RBFOX1: variants seen among roughly 807,000 people sequenced by gnomAD.
RBFOX1 encodes the protein RNA binding protein fox-1 homolog 1.
In RBFOX1, 8 loss-of-function variants were observed where a neutral mutation model predicts 57.7. That is an observed-to-expected ratio of 0.14 (90% CI 0.08 to 0.25). The LOEUF (loss-of-function observed/expected upper bound fraction) is 0.25. RBFOX1 is among the 10% of genes least tolerant of loss of function. The pLI, the probability that RBFOX1 is intolerant of heterozygous loss-of-function variation, is 1.00. For missense variants in RBFOX1, 611 were observed against 548.5 expected (o/e 1.11, Z -1.14); for synonymous variants, 326 against 222.4 (o/e 1.47, Z -4.15).
intron 3 of RBFOX1, among the ~76,000 whole-genome samples, chr16:6,919,353 A>G (rs1488275062): frequency 6.6e-6 from 1 of 152,168 alleles, no homozygotes; most frequent in Non-Finnish European, 1.5e-5. Context: ...TCTCCAAATT[A>G]ATTCCTCACA....
chr16:5,528,789 A>G (rs1283180518), intron 2 of RBFOX1, among the ~76,000 whole-genome samples: 1 of 151,856 alleles, frequency 6.6e-6, no homozygotes, highest in African/African-American at 2.4e-5. Context: ...AGCTGGGACT[A>G]TAGGTCTGCA....
intron 2 of RBFOX1, among the ~76,000 whole-genome samples, chr16:5,575,391 C>G (rs940393822): frequency 3.3e-5 from 5 of 152,168 alleles, no homozygotes; most frequent in African/African-American, 1.2e-4. Flanking sequence ...TGCGTGTCCT[C>G]TGTCTTAGGT....
At chr16:5,410,642 C>T (rs1362545231) in intron 1 of RBFOX1, among the ~76,000 whole-genome samples, 1 of 152,168 alleles carries the variant, frequency 6.6e-6, no homozygotes. Flanking sequence ...CAGTCTTATC[C>T]CCACTGCTTC....
intron 1 of RBFOX1, among the ~76,000 whole-genome samples, chr16:6,274,079 A>G (rs1342518454): frequency 2.0e-5 from 3 of 152,232 alleles, no homozygotes; most frequent in Admixed American, 6.5e-5. Flanking sequence ...TTCGGATTAC[A>G]TACACATCGC....
intron 3 of RBFOX1, among the ~76,000 whole-genome samples, chr16:6,687,653 G>C (rs966830810): frequency 1.1e-4 from 16 of 152,126 alleles, no homozygotes; most frequent in Non-Finnish European, 1.8e-4. Context: ...CAGGATTCAG[G>C]CTGCTCCTGT....
chr16:7,195,954 A>G lies in RBFOX1; in HGVS notation c.27+143856A>G, dbSNP rs372691816. Among the ~76,000 whole-genome samples the G allele has an allele frequency of 1.6e-4, 24 of 152,134 alleles. No individual in the cohort carries two copies. In the East Asian group the frequency reaches 3.5e-3, roughly 22 times the overall value. ...GATATGATTTTTTCTTTCATTCTCT[A>G]CTGCCACACTGCTATTTGTGGCAAG... On this transcript the variant is annotated intron_variant, in intron 4 of 15. Transcript: ENST00000550418.
At chr16:6,132,550 T>C (rs2096636978) in intron 1 of RBFOX1, among the ~76,000 whole-genome samples, 1 of 152,192 alleles carries the variant, frequency 6.6e-6, no homozygotes, top group African/African-American at 2.4e-5. Context: ...CGGTACCTAC[T>C]GCCATAAGTT....
chr16:6,981,745 A>T (rs77383890), intron 3 of RBFOX1, among the ~76,000 whole-genome samples: 53 of 152,248 alleles, frequency 3.5e-4, no homozygotes, highest in African/African-American at 1.3e-3. Flanking sequence ...ACCAGCCCTC[A>T]TGATTCAATT....
chr16:6,864,161 T>C (rs1191493992), intron 3 of RBFOX1, among the ~76,000 whole-genome samples: 1 of 152,110 alleles, frequency 6.6e-6, no homozygotes, highest in East Asian at 1.9e-4. Context: ...TTCAGGGAAA[T>C]TATTTTAATA....
Position 5,940,611 on chromosome 16 carries a change from C to T in RBFOX1, c.351+73276C>T, listed in dbSNP as rs566529150. ...TTCAATCAGGGCTCTCAGAACAGCA[C>T]CAAAAGACTCCTTCAGGAAGCAATT... On this transcript the variant is annotated intron_variant, in intron 4 of 19. Coordinates refer to the RBFOX1 transcript ENST00000641259. Among the ~76,000 whole-genome samples the T allele has an allele frequency of 1.7e-4, 26 of 152,272 alleles. No individual in the cohort carries two copies. The South Asian group carries it at 3.3e-3, about 19-fold the overall frequency.
chr16:6,341,875 C>A (rs2084628395), intron 2 of RBFOX1, among the ~76,000 whole-genome samples: 1 of 152,194 alleles, frequency 6.6e-6, no homozygotes, highest in Non-Finnish European at 1.5e-5. Context: ...TTTCTGGTGA[C>A]ACTTTTAACG....
intron 4 of RBFOX1, among the ~76,000 whole-genome samples, chr16:7,513,823 G>T (rs2075752456): frequency 6.6e-6 from 1 of 152,184 alleles, no homozygotes; most frequent in African/African-American, 2.4e-5. Context: ...CACTTATGCA[G>T]ATTTAAAGCC....
chr16:5,670,522 AC>A (rs2049985068), intron 3 of RBFOX1, among the ~76,000 whole-genome samples: 1 of 152,226 alleles, frequency 6.6e-6, no homozygotes, highest in Non-Finnish European at 1.5e-5. Context: ...CTCTTAAGCC[AC>A]AAGCCCTGAT....
chr16:6,834,205 C>T (rs992284296), intron 3 of RBFOX1, among the ~76,000 whole-genome samples: 2 of 152,032 alleles, frequency 1.3e-5, no homozygotes, highest in African/African-American at 2.4e-5. Context: ...TCCCAGGTAG[C>T]TGGGATTACA....
chr16:5,628,917 C>T (rs568005697), intron 3 of RBFOX1, among the ~76,000 whole-genome samples: 5 of 152,274 alleles, frequency 3.3e-5, no homozygotes, highest in African/African-American at 1.2e-4. Flanking sequence ...AGATCATGTA[C>T]CAGGGAATCT....
chr16:6,370,059 TTAAGAACACA>T (rs1410054347), intron 2 of RBFOX1, among the ~76,000 whole-genome samples: 2 of 152,108 alleles, frequency 1.3e-5, no homozygotes, highest in Non-Finnish European at 2.9e-5. Flanking sequence ...TGACATTTTT[TTAAGAACACA>T]TACGCTGGGC....
chr16:6,005,230 C>G (rs1333440712), intron 4 of RBFOX1, among the ~76,000 whole-genome samples: 1 of 152,046 alleles, frequency 6.6e-6, no homozygotes, highest in Non-Finnish European at 1.5e-5. Flanking sequence ...GGAAAAACAC[C>G]CTGCAGCTGA....
chr16:7,456,949 G>A (rs1005864787), intron 4 of RBFOX1, among the ~76,000 whole-genome samples: 2 of 151,718 alleles, frequency 1.3e-5, no homozygotes, highest in African/African-American at 4.8e-5. Context: ...TGAGTGCAAT[G>A]GCGCGATCCC....
At chr16:5,508,493 T>C (rs2151715553) in intron 2 of RBFOX1, among the ~76,000 whole-genome samples, 1 of 152,304 alleles carries the variant, frequency 6.6e-6, no homozygotes, top group African/African-American at 2.4e-5. Flanking sequence ...AAAAACAAAG[T>C]ACAGGTCCTG....
Sources: gnomAD v4.1 joint callset for allele counts (sites outside exome capture counted in the v4.1 genomes callset) on GRCh38, gnomAD v4.1.1 for gene constraint, MANE v1.5 for transcripts, NCBI Gene and HGNC (gene_info 2026-07-23, HGNC 2026-07-21) for gene names.